Variants in NKAIN3 observed in about 807,000 individuals in gnomAD.
NKAIN3 encodes sodium/potassium-transporting ATPase subunit beta-1-interacting protein 3.
A neutral mutation model predicts 30.2 loss-of-function variants in NKAIN3; 25 were observed. That is an observed-to-expected ratio of 0.83 (90% CI 0.60 to 1.16). NKAIN3 has a LOEUF of 1.16. Ranked by LOEUF, NKAIN3 falls within the 50% of genes most tolerant of loss-of-function variation. The probability of loss-of-function intolerance (pLI) is 0.00; values close to 1 mark genes in which losing one functional copy is unlikely to be tolerated. For missense variants in NKAIN3, 225 were observed against 254.1 expected (o/e 0.89, Z 0.78); for synonymous variants, 91 against 89.6 (o/e 1.02, Z -0.09).
At chr8:62,418,276 T>C (rs1804516041) in intron 1 of NKAIN3, among the ~76,000 whole-genome samples, 1 of 152,162 alleles carries the variant, frequency 6.6e-6, no homozygotes, top group Non-Finnish European at 1.5e-5. Flanking sequence ...AAATGGTGAC[T>C]AAGATATGTA....
chr8:62,516,451 T>C (rs968944600), intron 1 of NKAIN3, among the ~76,000 whole-genome samples: 4 of 152,108 alleles, frequency 2.6e-5, no homozygotes, highest in African/African-American at 4.8e-5. Context: ...TCATATATGG[T>C]AAAGCAAAAT....
At chr8:62,251,929 G>C (rs1812117555) in intron 1 of NKAIN3, among the ~76,000 whole-genome samples, 3 of 152,154 alleles carry the variant, frequency 2.0e-5, no homozygotes, top group Non-Finnish European at 4.4e-5. Flanking sequence ...TAACTATTCA[G>C]TACCTTGGTT....
chr8:62,544,478 C>T (rs1382361108), intron 1 of NKAIN3, among the ~76,000 whole-genome samples: 1 of 152,048 alleles, frequency 6.6e-6, no homozygotes, highest in Non-Finnish European at 1.5e-5. Context: ...TACTCAGATA[C>T]AAACACTTTA....
intron 3 of NKAIN3, among the ~76,000 whole-genome samples, chr8:62,612,403 A>G (rs1811323515): frequency 1.3e-5 from 2 of 151,958 alleles, no homozygotes; most frequent in African/African-American, 4.8e-5. Context: ...TTGTCTTGAA[A>G]TATATTTTGT....
rs567203489 is a variant in NKAIN3 at position 62,961,617 on chromosome 8, CAA to C, written c.604-3734_604-3733del. Among the ~76,000 whole-genome samples the C allele has an allele frequency of 5.3e-3, 805 of 152,026 alleles. 11 individuals are homozygous for C. Among genetic ancestry groups the C allele is most frequent in the African/African-American group, 0.019 (782 of 41,466 alleles). On this transcript the variant is annotated intron_variant, in intron 6 of 6. Transcript: ENST00000623646. ...TTTAAAACAGAACTAGATTATATTT[CAA>C]AACACAACTTCTGTATAACCAAAAA...
chr8:62,790,747 A>G (rs116042071), intron 4 of NKAIN3, among the ~76,000 whole-genome samples: 3 of 152,090 alleles, frequency 2.0e-5, no homozygotes, highest in Non-Finnish European at 4.4e-5. Flanking sequence ...CTTAAAAGCT[A>G]TTGAGAAAGA....
At chr8:62,881,688 G>T (rs1820987282) in intron 4 of NKAIN3, among the ~76,000 whole-genome samples, 2 of 152,192 alleles carry the variant, frequency 1.3e-5, no homozygotes, top group Admixed American at 1.3e-4. Flanking sequence ...AGATAAAGCT[G>T]CTATAAACAG....
At chr8:62,561,815 T>A (rs1026863861) in intron 1 of NKAIN3, among the ~76,000 whole-genome samples, 4 of 152,200 alleles carry the variant, frequency 2.6e-5, no homozygotes, top group African/African-American at 9.6e-5. Context: ...TTTATTTTAC[T>A]TTAAAATATG....
At chr8:62,958,395 C>T (rs1230896853) in intron 6 of NKAIN3, among the ~76,000 whole-genome samples, 3 of 152,026 alleles carry the variant, frequency 2.0e-5, no homozygotes, top group East Asian at 3.9e-4. Flanking sequence ...CAACTGCTAT[C>T]GAGGGAGGTA....
At chr8:62,951,042 A>C (rs12549493) in intron 5 of NKAIN3, among the ~76,000 whole-genome samples, 16,258 of 150,890 alleles carry the variant, frequency 0.11, 1,025 homozygotes, top group East Asian at 0.22. Context: ...TCCAAAACTT[A>C]AAAGACACAA....
At chr8:62,355,215 C>T (rs754583923) in intron 1 of NKAIN3, among the ~76,000 whole-genome samples, 5 of 152,138 alleles carry the variant, frequency 3.3e-5, no homozygotes, top group Admixed American at 6.5e-5. Flanking sequence ...ATGCTGTTTC[C>T]CCATAAATAC....
At chr8:62,723,920 C>T (rs924724426) in intron 3 of NKAIN3, among the ~76,000 whole-genome samples, 1 of 152,110 alleles carries the variant, frequency 6.6e-6, no homozygotes, top group Non-Finnish European at 1.5e-5. Context: ...TTCTAGCAAA[C>T]TACAGATTTT....
intron 5 of NKAIN3, among the ~76,000 whole-genome samples, chr8:62,992,713 G>A (rs1248677369): frequency 1.3e-5 from 2 of 151,838 alleles, no homozygotes; most frequent in Non-Finnish European, 2.9e-5. Flanking sequence ...GAGGCCACCA[G>A]TATAGAGTTT....
chr8:62,801,755 C>T (rs1818071823), intron 4 of NKAIN3, among the ~76,000 whole-genome samples: 1 of 152,230 alleles, frequency 6.6e-6, no homozygotes, highest in African/African-American at 2.4e-5. Context: ...AGCAATGGAA[C>T]AAAGCTGGAC....
intron 1 of NKAIN3, among the ~76,000 whole-genome samples, chr8:62,468,154 A>G (rs1477038552): frequency 6.6e-6 from 1 of 152,222 alleles, no homozygotes; most frequent in Non-Finnish European, 1.5e-5. Flanking sequence ...AGACTTAAGA[A>G]ATATCATTTT....
chr8:62,531,092 T>C (rs1213819334), intron 1 of NKAIN3, among the ~76,000 whole-genome samples: 1 of 152,148 alleles, frequency 6.6e-6, no homozygotes, highest in African/African-American at 2.4e-5. Flanking sequence ...CCACAGATGG[T>C]GTAGTTCAGA....
At chr8:62,383,881 C>CTTTTTTTT (rs202071193) in intron 1 of NKAIN3, among the ~76,000 whole-genome samples, 1 of 145,788 alleles carries the variant, frequency 6.9e-6, no homozygotes, top group African/African-American at 2.5e-5. Flanking sequence ...CATGAATTTT[C>CTTTTTTTT]TTTTTTTTTT....
intron 1 of NKAIN3, among the ~76,000 whole-genome samples, chr8:62,295,389 T>A (rs1181496231): frequency 6.6e-6 from 1 of 152,192 alleles, no homozygotes; most frequent in Non-Finnish European, 1.5e-5. Flanking sequence ...AACATCCTAA[T>A]GATATCAGAC....
At chr8:62,717,675 G>C (rs1243186651) in intron 3 of NKAIN3, among the ~76,000 whole-genome samples, 1 of 152,076 alleles carries the variant, frequency 6.6e-6, no homozygotes, top group Non-Finnish European at 1.5e-5. Context: ...TGTTATGTAT[G>C]TCTGTTTCAG....
Sources: allele counts gnomAD v4.1 joint callset (sites outside exome capture counted in the v4.1 genomes callset), GRCh38; gene constraint gnomAD v4.1.1; transcripts MANE v1.5; gene names NCBI Gene and HGNC (gene_info 2026-07-23, HGNC 2026-07-21).